CACNA1C: variants seen among roughly 807,000 people sequenced by gnomAD.
CACNA1C encodes the protein calcium voltage-gated channel subunit alpha1 C.
Under a neutral mutation model 229.0 loss-of-function variants are expected in CACNA1C, and 30 were observed. The observed-to-expected ratio is 0.13, with a 90% confidence interval of 0.10 to 0.18. CACNA1C has a LOEUF of 0.18. CACNA1C is among the 10% of genes least tolerant of loss of function. The pLI is 1.00. For missense variants in CACNA1C, 1,658 were observed against 2,845.0 expected, an observed-to-expected ratio of 0.58 and a Z score of 9.49; for synonymous variants, 1,114 against 1,132.5, an observed-to-expected ratio of 0.98 and a Z score of 0.33.
intron 3 of CACNA1C, among the ~76,000 whole-genome samples, chr12:2,329,296 CGTT>C (rs2096460939): frequency 6.6e-6 from 1 of 152,124 alleles, no homozygotes; most frequent in African/African-American, 2.4e-5. Context: ...CAGTTTCTAC[CGTT>C]ATTACAATTT....
At chr12:2,567,487 A>G in intron 12 of CACNA1C, 82 bp from the exon 13 acceptor site, 1 of 815,640 alleles carries the variant, frequency 1.2e-6, no homozygotes, top group Non-Finnish European at 1.9e-6. Flanking sequence ...CAATGGAGAT[A>G]ATTACTGTAT....
chr12:2,385,450 G>T (rs1225058823), intron 3 of CACNA1C, among the ~76,000 whole-genome samples: 1 of 151,920 alleles, frequency 6.6e-6, no homozygotes, highest in Non-Finnish European at 1.5e-5. Flanking sequence ...AATTGTTCCT[G>T]TATCCCCCTC....
At chr12:2,186,858 A>T (rs2097037850) in intron 3 of CACNA1C, among the ~76,000 whole-genome samples, 2 of 152,208 alleles carry the variant, frequency 1.3e-5, no homozygotes, top group African/African-American at 4.8e-5. Flanking sequence ...GGGGCTCTGC[A>T]TTCAGGTCTG....
intron 3 of CACNA1C, among the ~76,000 whole-genome samples, chr12:2,164,852 A>G (rs757865958): frequency 2.0e-5 from 3 of 152,214 alleles, no homozygotes; most frequent in South Asian, 2.1e-4. Context: ...GGTATGGCGC[A>G]CACACAGTGT....
At chr12:2,652,296 C>T (rs2095072437) in intron 32 of CACNA1C, among the ~76,000 whole-genome samples, 1 of 152,212 alleles carries the variant, frequency 6.6e-6, no homozygotes, top group South Asian at 2.1e-4. Context: ...TTCGAATGGG[C>T]CCAGGACTGC....
intron 13 of CACNA1C, among the ~76,000 whole-genome samples, chr12:2,578,569 G>A (rs562843238): frequency 1.1e-4 from 16 of 152,288 alleles, no homozygotes; most frequent in African/African-American, 3.9e-4. Context: ...GGATGAGGAG[G>A]CGGTGGGAAG....
At chr12:2,166,000 G>A (rs867214980) in intron 3 of CACNA1C, among the ~76,000 whole-genome samples, 121 of 152,356 alleles carry the variant, frequency 7.9e-4, no homozygotes, top group African/African-American at 2.7e-3. Context: ...CAGAGGGCAC[G>A]TAGTTAGTGA....
chr12:2,276,241 G>A (rs566956477), intron 3 of CACNA1C, among the ~76,000 whole-genome samples: 70 of 152,274 alleles, frequency 4.6e-4, no homozygotes, highest in Non-Finnish European at 7.2e-4. Flanking sequence ...ATATGAACCC[G>A]AATCTCTGTT....
At chr12:2,295,111 G>A (rs2093916015) in intron 3 of CACNA1C, among the ~76,000 whole-genome samples, 2 of 152,140 alleles carry the variant, frequency 1.3e-5, no homozygotes, top group African/African-American at 4.8e-5. Flanking sequence ...AGCCCTTCAT[G>A]TGTGCCTCTG....
chr12:2,154,700 C>G (rs1044035816), intron 3 of CACNA1C, among the ~76,000 whole-genome samples: 7 of 152,352 alleles, frequency 4.6e-5, no homozygotes, highest in Admixed American at 3.3e-4. Context: ...GAACGCCCCC[C>G]TCTCTGATGA....
chr12:2,118,614 G>C (rs1196092288), intron 2 of CACNA1C, among the ~76,000 whole-genome samples: 3 of 152,202 alleles, frequency 2.0e-5, no homozygotes, highest in African/African-American at 4.8e-5. Context: ...ATTCCACACA[G>C]AGCATTTCTG....
chr12:2,169,937 A>C (rs1447153947), intron 3 of CACNA1C, among the ~76,000 whole-genome samples: 5 of 152,186 alleles, frequency 3.3e-5, no homozygotes, highest in Admixed American at 3.3e-4. Flanking sequence ...TGTGGACAGC[A>C]GAAGAGTGGG....
At chr12:2,613,298 CAATT>C (rs1224014253) in intron 29 of CACNA1C, 2 of 152,288 alleles carry the variant, frequency 1.3e-5, no homozygotes, top group East Asian at 3.9e-4. Flanking sequence ...GAGGCTCAAA[CAATT>C]AAGTGCCCAG....
At chr12:2,611,789 G>T (rs2077936296) in intron 28 of CACNA1C, 114 bp from the exon 29 acceptor site, 1 of 646,872 alleles carries the variant, frequency 1.5e-6, no homozygotes, top group African/African-American at 1.8e-5. Context: ...CTGGGGGTTT[G>T]GTTCAAGGAA....
At chr12:2,176,273 G>A (rs1173252266) in intron 3 of CACNA1C, among the ~76,000 whole-genome samples, 2 of 151,994 alleles carry the variant, frequency 1.3e-5, no homozygotes, top group African/African-American at 4.8e-5. Context: ...ATGCTGGTGT[G>A]GAGCCCGTGT....
chr12:2,301,941 G>A (rs934560843), intron 3 of CACNA1C, among the ~76,000 whole-genome samples: 1 of 152,226 alleles, frequency 6.6e-6, no homozygotes, highest in Non-Finnish European at 1.5e-5. Flanking sequence ...TGAACTATCA[G>A]TGTGGTTGCG....
At chr12:2,199,677 T>C (rs935775515) in intron 3 of CACNA1C, among the ~76,000 whole-genome samples, 1 of 152,046 alleles carries the variant, frequency 6.6e-6, no homozygotes, top group Non-Finnish European at 1.5e-5. Flanking sequence ...CTGCATTCCA[T>C]CTTCTTGGAC....
intron 3 of CACNA1C, among the ~76,000 whole-genome samples, chr12:2,175,144 G>T (rs2096610226): frequency 6.6e-6 from 1 of 152,184 alleles, no homozygotes; most frequent in African/African-American, 2.4e-5. Context: ...TATCACTCCA[G>T]ACAACAATAA....
intron 3 of CACNA1C, among the ~76,000 whole-genome samples, chr12:2,440,618 G>T (rs148301565): frequency 1.3e-5 from 2 of 152,310 alleles, no homozygotes; most frequent in African/African-American, 4.8e-5. Flanking sequence ...GCTTTTACCT[G>T]CCCAGCAGCT....
Sources: gnomAD v4.1 joint callset for allele counts (sites outside exome capture counted in the v4.1 genomes callset) on GRCh38, gnomAD v4.1.1 for gene constraint, MANE v1.5 for transcripts, NCBI Gene and HGNC (gene_info 2026-07-23, HGNC 2026-07-21) for gene names.